The following TBXAS1 variants were observed in gnomAD, a reference collection of about 807,000 sequenced individuals.
TBXAS1 encodes the protein thromboxane A synthase 1.
In TBXAS1, 48 loss-of-function variants were observed where a neutral mutation model predicts 60.7. The ratio of observed to expected loss-of-function variants is 0.79; its 90% CI spans 0.63 to 1.01. The LOEUF (loss-of-function observed/expected upper bound fraction) is 1.01, where lower values mean the gene tolerates loss of function less well. Among genes scored for constraint, TBXAS1 ranks in the 50% least tolerant of loss-of-function variants. The pLI, the probability that TBXAS1 is intolerant of heterozygous loss-of-function variation, is 0.00. For missense variants in TBXAS1, 685 were observed against 686.3 expected (o/e 1.00, Z 0.02); for synonymous variants, 287 against 269.7 (o/e 1.06, Z -0.63).
intron 4 of TBXAS1, among the ~76,000 whole-genome samples, chr7:139,796,607 A>G (rs1009501048): frequency 6.6e-6 from 1 of 152,234 alleles, no homozygotes; most frequent in Admixed American, 6.5e-5. Flanking sequence ...TGTACAACAC[A>G]AAGAGTGAAC....
At position 139,864,485 on chromosome 7, in the gene TBXAS1, T is replaced by C. The variant is rs573020192; in HGVS notation, c.90-7750T>C. Among the ~76,000 whole-genome samples the C allele has an allele frequency of 1.8e-4, 28 of 152,208 alleles. No individual in the cohort carries two copies. In the South Asian group the frequency reaches 5.6e-3, roughly 30 times the overall value. ...TTCCAGAAAAATCCAAATAGCATTT[T>C]CTCATCAAATCAGACTAATTCTAAA... is the stretch of plus-strand genomic sequence containing the variant. On this transcript the variant is annotated intron_variant, in intron 1 of 12. Coordinates refer to ENST00000448866, the MANE Select transcript of TBXAS1 (RefSeq NM_001061.7).
At chr7:139,958,671 G>C (rs1047286764) in intron 8 of TBXAS1, among the ~76,000 whole-genome samples, 2 of 152,178 alleles carry the variant, frequency 1.3e-5, no homozygotes, top group African/African-American at 4.8e-5. Flanking sequence ...TTGATACACC[G>C]AGCGGCCTTG....
rs140839862 is a variant in TBXAS1, at chr7:139,821,383, G to C, written c.-79-7929G>C. Among the ~76,000 whole-genome samples, 4 of 152,334 alleles carry C rather than the reference G, an allele frequency of 2.6e-5. No homozygotes were observed. The East Asian group carries it at 7.7e-4, about 29-fold the overall frequency. ...TGGGCTGGAGAGAATAGATTTGGGA[G>C]TGAACAGCCTGTGATGTTAACAAAA... On this transcript the variant is annotated intron_variant, in intron 4 of 16. Transcript: ENST00000336425.
intron 3 of TBXAS1, among the ~76,000 whole-genome samples, chr7:139,889,809 CTAA>C (rs1803414319): frequency 6.6e-6 from 1 of 152,228 alleles, no homozygotes; most frequent in African/African-American, 2.4e-5. Flanking sequence ...ACCCCACCTT[CTAA>C]TACTGTCATC....
At chr7:139,998,777 G>A (rs762173631) in intron 9 of TBXAS1, among the ~76,000 whole-genome samples, 8 of 152,188 alleles carry the variant, frequency 5.3e-5, no homozygotes, top group Non-Finnish European at 1.0e-4. Flanking sequence ...CTGATGCCCC[G>A]TGGGTTGTGT....
intron 9 of TBXAS1, among the ~76,000 whole-genome samples, chr7:139,963,751 G>A (rs536232437): frequency 2.2e-4 from 33 of 152,244 alleles, no homozygotes; most frequent in Admixed American, 1.2e-3. Flanking sequence ...AAAACAAAAA[G>A]TAAAAACAAA....
At chr7:139,901,709 T>A (rs1027406138) in intron 3 of TBXAS1, among the ~76,000 whole-genome samples, 1 of 151,962 alleles carries the variant, frequency 6.6e-6, no homozygotes, top group Non-Finnish European at 1.5e-5. Flanking sequence ...GGGCCAGGCA[T>A]TATTATTTCT....
intron 4 of TBXAS1, among the ~76,000 whole-genome samples, chr7:139,817,229 T>C (rs1042000004): frequency 6.7e-6 from 1 of 150,248 alleles, no homozygotes; most frequent in African/African-American, 2.5e-5. Flanking sequence ...CCCCATCAGC[T>C]GTCTTTCTCG....
intron 1 of TBXAS1, among the ~76,000 whole-genome samples, chr7:139,841,080 A>T (rs371511452): frequency 1.3e-5 from 2 of 152,212 alleles, no homozygotes; most frequent in East Asian, 1.9e-4. Context: ...GCACCTCATC[A>T]TCCCCAGCAG....
chr7:139,950,990 G>C (rs963459110), intron 5 of TBXAS1, among the ~76,000 whole-genome samples: 1 of 152,162 alleles, frequency 6.6e-6, no homozygotes. Context: ...AACTGCAGAG[G>C]AGAGGGGTCC....
At chr7:139,844,274 G>A (rs1799659760) in intron 1 of TBXAS1, among the ~76,000 whole-genome samples, 1 of 152,138 alleles carries the variant, frequency 6.6e-6, no homozygotes, top group South Asian at 2.1e-4. Context: ...CTCCTTCACT[G>A]TTCTATTGAG....
chr7:139,809,202 A>AGATT (rs1797952672), intron 4 of TBXAS1, among the ~76,000 whole-genome samples: 6 of 122,066 alleles, frequency 4.9e-5, no homozygotes, highest in Non-Finnish European at 9.9e-5. Context: ...GATAGATGAT[A>AGATT]GATAGATAGA....
intron 9 of TBXAS1, among the ~76,000 whole-genome samples, chr7:139,993,319 TGGGGAGGCC>T (rs1813059690): frequency 6.6e-6 from 1 of 152,152 alleles, no homozygotes; most frequent in African/African-American, 2.4e-5. Context: ...CACATAAACC[TGGGGAGGCC>T]GGACTCACAC....
intron 10 of TBXAS1, among the ~76,000 whole-genome samples, chr7:140,011,293 CA>C (rs1169386195): frequency 1.5e-4 from 19 of 130,314 alleles, no homozygotes; most frequent in African/African-American, 6.5e-4. Flanking sequence ...AACAAACAAA[CA>C]AACAAACAAA....
chr7:139,828,974 T>A (rs1585566034), upstream of TBXAS1, among the ~76,000 whole-genome samples: 1 of 152,226 alleles, frequency 6.6e-6, no homozygotes, highest in African/African-American at 2.4e-5. Flanking sequence ...GATATAGATA[T>A]AGATATAGAC....
intron 5 of TBXAS1, among the ~76,000 whole-genome samples, chr7:139,944,411 T>C (rs997211789): frequency 6.6e-6 from 1 of 152,264 alleles, no homozygotes; most frequent in African/African-American, 2.4e-5. Flanking sequence ...TACAGTTCAC[T>C]GTTCTGTGCC....
chr7:139,914,312 T>TAG lies in TBXAS1; in HGVS notation c.333+2992_333+2993dup, dbSNP rs1410632140. Reference sequence around the variant, plus strand: ...TTGGCCTCCCAAATTGTTGGGATTATAGCCCTGAGCCACTGTACCTGGCCA... The same window carrying TAG: ...TTGGCCTCCCAAATTGTTGGGATTATAGAGCCCTGAGCCACTGTACCTGGCCA... On this transcript the variant is annotated intron_variant, in intron 4 of 12. Transcript: ENST00000448866. Among the ~76,000 whole-genome samples, 3 of 152,172 alleles carry TAG rather than the reference T, an allele frequency of 2.0e-5. No homozygotes were observed. In the East Asian group the frequency reaches 5.8e-4, roughly 29 times the overall value.
At chr7:139,886,518 T>A (rs1379816405) in intron 3 of TBXAS1, among the ~76,000 whole-genome samples, 1 of 151,772 alleles carries the variant, frequency 6.6e-6, no homozygotes, top group South Asian at 2.1e-4. Context: ...TCTTTTTTGT[T>A]AAAACACCCC....
chr7:139,842,271 T>C (rs1199344306), intron 1 of TBXAS1, among the ~76,000 whole-genome samples: 1 of 152,214 alleles, frequency 6.6e-6, no homozygotes, highest in African/African-American at 2.4e-5. Flanking sequence ...AGAATCTTAT[T>C]TGTTGTATAA....
Sources: allele counts gnomAD v4.1 joint callset (sites outside exome capture counted in the v4.1 genomes callset), GRCh38; gene constraint gnomAD v4.1.1; transcripts MANE v1.5; gene names NCBI Gene and HGNC (gene_info 2026-07-23, HGNC 2026-07-21).